Variants in GATB observed in about 807,000 individuals in gnomAD.
GATB encodes glutamyl-tRNA amidotransferase subunit B, also known as glutamyl-tRNA(Gln) amidotransferase subunit B, mitochondrial.
Under a neutral mutation model 62.3 loss-of-function variants are expected in GATB, and 39 were observed. That is an observed-to-expected ratio of 0.63 (90% CI 0.48 to 0.82). The LOEUF is 0.82. GATB is among the 40% of genes least tolerant of loss of function. The probability of loss-of-function intolerance (pLI) is 0.00; values close to 1 mark genes in which losing one functional copy is unlikely to be tolerated. For missense variants in GATB, 670 were observed against 684.0 expected (o/e 0.98, Z 0.23); for synonymous variants, 276 against 258.9 (o/e 1.07, Z -0.63).
At chr4:151,732,319 T>C (rs953606279) in intron 2 of GATB, among the ~76,000 whole-genome samples, 2 of 152,218 alleles carry the variant, frequency 1.3e-5, no homozygotes, top group African/African-American at 2.4e-5. Flanking sequence ...ATCAGATTGT[T>C]GCTGTGTCTG....
intron 5 of GATB, among the ~76,000 whole-genome samples, chr4:151,708,771 G>A (rs1738764296): frequency 6.6e-6 from 1 of 152,192 alleles, no homozygotes; most frequent in African/African-American, 2.4e-5. Context: ...AGTCTGTGGT[G>A]GGACTCAGAG....
At chr4:151,732,430 G>A (rs1739287396) in intron 2 of GATB, among the ~76,000 whole-genome samples, 2 of 152,136 alleles carry the variant, frequency 1.3e-5, no homozygotes, top group South Asian at 2.1e-4. Flanking sequence ...CCCCAACCCT[G>A]TGCTCTGGGG....
At chr4:151,694,318 C>T (rs1314852814) in intron 9 of GATB, among the ~76,000 whole-genome samples, 1 of 152,172 alleles carries the variant, frequency 6.6e-6, no homozygotes, top group Non-Finnish European at 1.5e-5. Flanking sequence ...GACTTTACTC[C>T]TCCCTGCACT....
rs147871883 is a variant in GATB at position 151,706,751 on chromosome 4, T to C, written c.877+1237A>G. On this transcript the variant is annotated intron_variant, in intron 6 of 12. Coordinates refer to ENST00000263985, the MANE Select transcript of GATB (RefSeq NM_004564.3). ...ATCATCTTTTCTGTACTGTTTCTAATACTTTTCTTGACAAGACCAGGGCTC... is the reference window on the plus strand; with the variant it reads ...ATCATCTTTTCTGTACTGTTTCTAACACTTTTCTTGACAAGACCAGGGCTC... Among the ~76,000 whole-genome samples the C allele has an allele frequency of 2.0e-3, 311 of 152,378 alleles. 2 individuals carry two copies. Among genetic ancestry groups the C allele is most frequent in the African/African-American group, 6.8e-3 (283 of 41,594 alleles).
chr4:151,726,942 G>C (rs966322314), intron 2 of GATB, among the ~76,000 whole-genome samples: 1 of 152,098 alleles, frequency 6.6e-6, no homozygotes, highest in African/African-American at 2.4e-5. Flanking sequence ...TTTGAGACAA[G>C]GTCTTACTCT....
intron 2 of GATB, chr4:151,719,822 G>A (rs1380415508): frequency 2.0e-5 from 6 of 292,748 alleles, no homozygotes; most frequent in Non-Finnish European, 3.8e-5. Context: ...CTAACAGGAA[G>A]AGTCGCAGAA....
chr4:151,672,139 T>C (rs1737884232), intron 12 of GATB, among the ~76,000 whole-genome samples: 1 of 152,076 alleles, frequency 6.6e-6, no homozygotes, highest in South Asian at 2.1e-4. Context: ...ACAATTTTTT[T>C]CCCCACTGAA....
chr4:151,741,864 T>A (rs1000162078), intron 2 of GATB, among the ~76,000 whole-genome samples: 2 of 152,228 alleles, frequency 1.3e-5, no homozygotes, highest in African/African-American at 4.8e-5. Context: ...TTATTAAGGA[T>A]GAAGCTTTTT....
intron 11 of GATB, chr4:151,677,566 TTG>T (rs1738034312): frequency 6.6e-6 from 1 of 152,220 alleles, no homozygotes; most frequent in Non-Finnish European, 1.5e-5. Flanking sequence ...GTGCAAAAAC[TTG>T]TACATGAATG....
At chr4:151,705,132 C>G in intron 7 of GATB, 53 bp downstream of exon 7, 1 of 1,264,504 alleles carries the variant, frequency 7.9e-7, no homozygotes, top group Non-Finnish European at 1.2e-6. Flanking sequence ...CTGAGCCCAG[C>G]CCTCTCGCAC....
rs202176371 is a variant in GATB, at chr4:151,705,207, G to T, written c.940C>A (p.Arg314Ser). The change falls in exon 7 of 13, where the codon CGC becomes AGC. Residue 314 changes from arginine to serine, a missense_variant. Coordinates refer to ENST00000263985, the MANE Select transcript of GATB (RefSeq NM_004564.3). ...ENGGEILNET[R>S]SFHHKLGCTM... is the part of the protein sequence containing the mutation. ...CACCCCAGCTTGTGATGAAATGAGC[G>T]TGTTTCGTTCAGAATTTCACCTCCA... The T allele has an allele frequency of 6.2e-7, 1 of 1,613,064 alleles. No individual in the cohort carries two copies. Among genetic ancestry groups the T allele is most frequent in the African/African-American group, 1.3e-5 (1 of 74,960 alleles).
intron 5 of GATB, among the ~76,000 whole-genome samples, chr4:151,715,193 G>A (rs1264607876): frequency 6.6e-6 from 1 of 152,228 alleles, no homozygotes; most frequent in Non-Finnish European, 1.5e-5. Context: ...CAGTGCTATG[G>A]AAAAGTACAA....
rs772437796 is a variant in GATB, at chr4:151,672,727, T to C, written c.1545+35A>G. 9.3e-6 allele frequency: 15 copies of C among 1,606,430 alleles called. No homozygotes were observed. The Middle Eastern group carries it at 1.3e-3, about 142-fold the overall frequency. On this transcript the variant is annotated intron_variant, in intron 12 of 12. Transcript: ENST00000263985. ...GAGGCTCTTGGGCATGTCCTGGGGC[T>C]GGCTCTGGCCCTCTCCCCTGCCCGA...
chr4:151,700,654 C>T (rs1192549509), intron 9 of GATB, among the ~76,000 whole-genome samples: 6 of 152,152 alleles, frequency 3.9e-5, no homozygotes, highest in Non-Finnish European at 7.4e-5. Flanking sequence ...TCCTAACAGA[C>T]GACGACAACG....
chr4:151,714,866 C>T (rs1429408195), intron 5 of GATB, among the ~76,000 whole-genome samples: 2 of 152,192 alleles, frequency 1.3e-5, no homozygotes, highest in East Asian at 1.9e-4. Flanking sequence ...AGAGTGTTGT[C>T]TCTGTAAAGA....
intron 10 of GATB, among the ~76,000 whole-genome samples, chr4:151,682,464 G>A (rs1738159667): frequency 6.6e-6 from 1 of 152,168 alleles, no homozygotes; most frequent in Admixed American, 6.5e-5. Context: ...ACTGGTTTCT[G>A]GATAGTGAAT....
intron 2 of GATB, among the ~76,000 whole-genome samples, chr4:151,741,718 C>A (rs935242183): frequency 6.6e-6 from 1 of 152,202 alleles, no homozygotes; most frequent in Non-Finnish European, 1.5e-5. Flanking sequence ...GAGAGGAAAG[C>A]GAACTCTCAA....
At chr4:151,720,749 C>G (rs1578922295) in intron 2 of GATB, 1 of 152,190 alleles carries the variant, frequency 6.6e-6, no homozygotes, top group Non-Finnish European at 1.5e-5. Context: ...ATTCACAGAA[C>G]TGGCAAGTGG....
intron 2 of GATB, among the ~76,000 whole-genome samples, chr4:151,750,364 GCCAGGGGA>G (rs1374956522): frequency 2.0e-5 from 3 of 151,970 alleles, no homozygotes; most frequent in Admixed American, 2.0e-4. Context: ...AATATGCTGT[GCCAGGGGA>G]CCTTTGGAAA....
Sources: allele counts gnomAD v4.1 joint callset (sites outside exome capture counted in the v4.1 genomes callset), GRCh38; gene constraint gnomAD v4.1.1; transcripts MANE v1.5; gene names NCBI Gene and HGNC (gene_info 2026-07-23, HGNC 2026-07-21).